Variants in SORCS3 observed in about 807,000 individuals in gnomAD.
SORCS3 encodes the protein sortilin related VPS10 domain containing receptor 3.
In SORCS3, 57 loss-of-function variants were observed where a neutral mutation model predicts 146.3. That is an observed-to-expected ratio of 0.39 (90% CI 0.31 to 0.49). SORCS3 has a LOEUF of 0.49. Ranked by LOEUF, SORCS3 falls within the 20% of genes least tolerant of loss-of-function variation. The pLI, the probability that SORCS3 is intolerant of heterozygous loss-of-function variation, is 0.92. For synonymous variants in SORCS3, 653 were observed against 618.5 expected, an observed-to-expected ratio of 1.06 and a Z score of -0.83; for missense variants, 1,341 against 1,575.5, an observed-to-expected ratio of 0.85 and a Z score of 2.52.
chr10:105,033,712 A>C (rs535595288), intron 4 of SORCS3, among the ~76,000 whole-genome samples: 1 of 152,298 alleles, frequency 6.6e-6, no homozygotes, highest in Admixed American at 6.5e-5. Flanking sequence ...AATATCAAAA[A>C]AGAGAGATGG....
At chr10:104,859,657 G>A (rs1242204669) in intron 2 of SORCS3, among the ~76,000 whole-genome samples, 5 of 152,096 alleles carry the variant, frequency 3.3e-5, no homozygotes, top group Admixed American at 6.6e-5. Flanking sequence ...GAAAATTTTC[G>A]CAACCTACTC....
intron 3 of SORCS3, among the ~76,000 whole-genome samples, chr10:104,953,691 T>C (rs1267461753): frequency 6.6e-6 from 1 of 152,214 alleles, no homozygotes; most frequent in Non-Finnish European, 1.5e-5. Context: ...AGACTTCCCT[T>C]TCTGCTCTGT....
intron 20 of SORCS3, among the ~76,000 whole-genome samples, chr10:105,228,456 C>T (rs1229279081): frequency 6.6e-6 from 1 of 150,586 alleles, no homozygotes; most frequent in Non-Finnish European, 1.5e-5. Context: ...CTCTCTTTCT[C>T]TCTTTCCCTC....
chr10:105,131,857 AG>A (rs2056021643), intron 7 of SORCS3, among the ~76,000 whole-genome samples: 1 of 152,152 alleles, frequency 6.6e-6, no homozygotes, highest in African/African-American at 2.4e-5. Flanking sequence ...GACAGTACCA[AG>A]GGAAATGGTA....
chr10:104,814,165 G>C (rs894788189), intron 1 of SORCS3, among the ~76,000 whole-genome samples: 1 of 152,042 alleles, frequency 6.6e-6, no homozygotes, highest in Non-Finnish European at 1.5e-5. Flanking sequence ...AGACACAAGG[G>C]GGGAGTTAAA....
chr10:104,871,058 C>T (rs776395723), intron 2 of SORCS3, among the ~76,000 whole-genome samples: 14 of 152,122 alleles, frequency 9.2e-5, no homozygotes, highest in South Asian at 6.2e-4. Flanking sequence ...CTTCAGGATA[C>T]GAGTAGTTGG....
Position 104,641,811 on chromosome 10 carries a change from A to G in SORCS3, c.484A>G (p.Lys162Glu), listed in dbSNP as rs1216740741. 14 of 1,553,214 alleles carry G rather than the reference A, an allele frequency of 9.0e-6. No individual in the cohort carries two copies. Among genetic ancestry groups the G allele is most frequent in the South Asian group, 1.2e-5 (1 of 84,278 alleles). The change falls in exon 1 of 27, where the codon AAG becomes GAG. Residue 162 changes from lysine (K) to glutamate (E), a missense_variant. Physicochemically the swap from Lys to Glu is moderately conservative, Grantham distance 56. Coordinates refer to ENST00000369701, the MANE Select transcript of SORCS3 (RefSeq NM_014978.3). This position sits in a 1 kb window ranked among gnomAD's most constrained non-coding sequence, Gnocchi z 6.4. ...TTCCAGAGGAAGCCGTCCCCTTGCT[A>G]AGGGTTCCCGGGAGGAGGTGAAGGC... Reference protein sequence around the residue: ...DGSRGSRPLAKGSREEVKAPR... With the variant: ...DGSRGSRPLAEGSREEVKAPR...
chr10:104,948,693 A>G (rs2019398050), intron 3 of SORCS3, among the ~76,000 whole-genome samples: 1 of 152,220 alleles, frequency 6.6e-6, no homozygotes, highest in Non-Finnish European at 1.5e-5. Flanking sequence ...AACCTCTGCA[A>G]GAGGAAGATT....
intron 1 of SORCS3, among the ~76,000 whole-genome samples, chr10:104,747,984 A>C (rs2016930840): frequency 6.6e-6 from 1 of 152,264 alleles, no homozygotes. Flanking sequence ...GCCCAACATG[A>C]CATGGTTGTT....
chr10:104,940,204 T>TTA lies in SORCS3; in HGVS notation c.795+24306_795+24307dup, dbSNP rs71022748. ...ACCGAGAGTTCCTCTTCCTTTTCTT[T>TTA]TATATATATATATATATATATATAT... On this transcript the variant is annotated intron_variant, in intron 3 of 26. Coordinates refer to ENST00000369701, the MANE Select transcript of SORCS3 (RefSeq NM_014978.3). Among the ~76,000 whole-genome samples the TTA allele has an allele frequency of 2.4e-3, 128 of 53,006 alleles. 4 individuals are homozygous for TTA. Among genetic ancestry groups the TTA allele is most frequent in the Non-Finnish European group, 4.5e-3 (101 of 22,226 alleles). The allele number at this position is 53,006 out of a possible 152,430, so 34.8% of individuals were successfully genotyped here. A position where few individuals can be genotyped will look rare whatever the true frequency, so the allele number is the denominator to read the frequency against.
intron 1 of SORCS3, among the ~76,000 whole-genome samples, chr10:104,645,650 G>A (rs2015486819): frequency 1.3e-5 from 2 of 152,176 alleles, no homozygotes; most frequent in South Asian, 4.1e-4. Flanking sequence ...TCTTGGTGAA[G>A]AGAAATGGGG....
rs539069383 is a variant in SORCS3, at chr10:104,703,631, G to A, written c.627+61677G>A. 9.2e-5 allele frequency among the ~76,000 whole-genome samples: 14 copies of A among 151,532 alleles called. No homozygotes were observed. The South Asian group carries it at 2.9e-3, about 32-fold the overall frequency. On this transcript the variant is annotated intron_variant, in intron 1 of 26. Coordinates refer to ENST00000369701, the MANE Select transcript of SORCS3 (RefSeq NM_014978.3). ...GGGGGTGAGGGGAGGGAACTTAGAG[G>A]ATGGGTAAATAGGTGCATCAAACCA...
chr10:104,649,936 T>C (rs1422219236), intron 1 of SORCS3, among the ~76,000 whole-genome samples: 1 of 152,172 alleles, frequency 6.6e-6, no homozygotes, highest in Admixed American at 6.5e-5. Context: ...GAGTAAAGTG[T>C]GTAGCTACTA....
chr10:104,972,837 T>C (rs1449671545), intron 3 of SORCS3, among the ~76,000 whole-genome samples: 3 of 152,152 alleles, frequency 2.0e-5, no homozygotes, highest in Non-Finnish European at 2.9e-5. Context: ...GGGTTTGTCA[T>C]AGATAGCTCT....
chr10:104,981,358 A>C (rs550073652), intron 4 of SORCS3, among the ~76,000 whole-genome samples: 37 of 152,220 alleles, frequency 2.4e-4, no homozygotes, highest in African/African-American at 8.9e-4. Context: ...TGGAAGTAAT[A>C]GGTTATGGTT....
At chr10:105,008,207 C>T (rs1465249018) in intron 4 of SORCS3, among the ~76,000 whole-genome samples, 1 of 152,124 alleles carries the variant, frequency 6.6e-6, no homozygotes, top group African/African-American at 2.4e-5. Flanking sequence ...TATAACCACC[C>T]CATTTTGCAC....
In SORCS3 at chr10:104,806,750, G is replaced by A. The variant is rs150540434; in HGVS notation, c.628-36042G>A. 3.9e-3 allele frequency among the ~76,000 whole-genome samples: 591 copies of A among 152,284 alleles called. 6 individuals are homozygous for A. The highest frequency in any genetic ancestry group is 0.013 in the African/African-American group (541 of 41,560). On this transcript the variant is annotated intron_variant, in intron 1 of 26. Coordinates refer to ENST00000369701, the MANE Select transcript of SORCS3 (RefSeq NM_014978.3). Reference sequence around the variant, plus strand: ...TACTTGATCCTAACTCTGTACAAAGGTCTACATTTTGTCCAACTACAAAGA... The same window carrying A: ...TACTTGATCCTAACTCTGTACAAAGATCTACATTTTGTCCAACTACAAAGA...
intron 1 of SORCS3, among the ~76,000 whole-genome samples, chr10:104,688,903 C>A (rs2016081512): frequency 6.6e-6 from 1 of 152,200 alleles, no homozygotes; most frequent in South Asian, 2.1e-4. Flanking sequence ...TCTGTGTGAC[C>A]CATGGGAGAT....
chr10:104,651,791 C>T (rs2015563811), intron 1 of SORCS3, among the ~76,000 whole-genome samples: 1 of 152,152 alleles, frequency 6.6e-6, no homozygotes, highest in South Asian at 2.1e-4. Flanking sequence ...GCTCTGCATG[C>T]TGGCCTGATT....
Sources: gnomAD v4.1 joint callset for allele counts (sites outside exome capture counted in the v4.1 genomes callset) on GRCh38, gnomAD v4.1.1 for gene constraint, Gnocchi (gnomAD v3.1) non-coding constraint, MANE v1.5 for transcripts, NCBI Gene and HGNC (gene_info 2026-07-23, HGNC 2026-07-21) for gene names.